Variants in KSR2 observed in about 807,000 individuals in gnomAD.
KSR2 encodes the protein kinase suppressor of ras 2.
A neutral mutation model predicts 107.8 loss-of-function variants in KSR2; 25 were observed. The ratio of observed to expected loss-of-function variants is 0.23; its 90% CI spans 0.17 to 0.32. The LOEUF is 0.32. Among genes scored for constraint, KSR2 ranks in the 10% least tolerant of loss-of-function variants. KSR2 has a pLI of 1.00. For synonymous variants in KSR2, 480 were observed against 507.0 expected, an observed-to-expected ratio of 0.95 and a Z score of 0.71; for missense variants, 887 against 1,268.9, an observed-to-expected ratio of 0.70 and a Z score of 4.57.
chr12:117,727,676 T>G (rs663383), intron 4 of KSR2, among the ~76,000 whole-genome samples: 83,840 of 151,920 alleles, frequency 0.55, 23,397 homozygotes, highest in Admixed American at 0.62. Context: ...ATCTCCCCTA[T>G]AGCCTTCAGA....
intron 5 of KSR2, among the ~76,000 whole-genome samples, chr12:117,658,832 G>T (rs73211979): frequency 0.027 from 4,090 of 152,220 alleles, 185 homozygotes; most frequent in African/African-American, 0.086. Context: ...AATGAGGTCA[G>T]GCCAAGTCAT....
At chr12:117,533,674 A>G (rs1462456362) in intron 10 of KSR2, among the ~76,000 whole-genome samples, 1 of 152,230 alleles carries the variant, frequency 6.6e-6, no homozygotes, top group Non-Finnish European at 1.5e-5. Flanking sequence ...GAGGCTCTCA[A>G]GAGACTTGGC....
chr12:117,965,864 G>A (rs549318772), intron 1 of KSR2, among the ~76,000 whole-genome samples: 7 of 152,294 alleles, frequency 4.6e-5, no homozygotes, highest in South Asian at 2.1e-4. Flanking sequence ...AGAAAATTCC[G>A]TGGACCCAAA....
chr12:117,690,394 T>C (rs1885763646), intron 4 of KSR2, among the ~76,000 whole-genome samples: 1 of 152,026 alleles, frequency 6.6e-6, no homozygotes, highest in Admixed American at 6.6e-5. Context: ...CGAAACCCCG[T>C]CTCTATTAAA....
chr12:117,955,854 G>GT (rs1291310829), intron 1 of KSR2, among the ~76,000 whole-genome samples: 2 of 101,940 alleles, frequency 2.0e-5, no homozygotes, highest in Admixed American at 1.8e-4. Context: ...GCCTCAGGGG[G>GT]TAAAAAAAAA....
chr12:117,800,276 G>A (rs900197000), intron 3 of KSR2, among the ~76,000 whole-genome samples: 2 of 152,096 alleles, frequency 1.3e-5, no homozygotes, highest in Non-Finnish European at 2.9e-5. Flanking sequence ...CTGGTTTATT[G>A]AGCCCACTAT....
At chr12:117,672,838 T>A (rs1346433001) in intron 4 of KSR2, among the ~76,000 whole-genome samples, 2 of 152,234 alleles carry the variant, frequency 1.3e-5, no homozygotes, top group Non-Finnish European at 2.9e-5. Flanking sequence ...TTGGCCAGAC[T>A]GGTCTTGAAC....
At chr12:117,499,910 A>T (rs1349022966) in intron 14 of KSR2, among the ~76,000 whole-genome samples, 3 of 152,304 alleles carry the variant, frequency 2.0e-5, no homozygotes, top group African/African-American at 7.2e-5. Context: ...GAGGCTGAGG[A>T]CACTGGGAGG....
At chr12:117,772,099 CAT>C (rs1889483321) in intron 3 of KSR2, among the ~76,000 whole-genome samples, 3 of 150,152 alleles carry the variant, frequency 2.0e-5, no homozygotes, top group South Asian at 2.1e-4. Flanking sequence ...AACACACACA[CAT>C]ACACACCTTT....
chr12:117,914,723 CAG>C (rs1895125721), intron 1 of KSR2, among the ~76,000 whole-genome samples: 1 of 152,098 alleles, frequency 6.6e-6, no homozygotes, highest in African/African-American at 2.4e-5. Flanking sequence ...TTTGTAGAGA[CAG>C]GGGTCTTACT....
intron 7 of KSR2, among the ~76,000 whole-genome samples, chr12:117,561,161 T>C (rs1347717144): frequency 1.3e-5 from 2 of 152,186 alleles, no homozygotes; most frequent in Admixed American, 6.5e-5. Flanking sequence ...AGAGTGGATA[T>C]GTAATTATGA....
Position 117,753,027 on chromosome 12 carries a change from T to C in KSR2, c.986+7984A>G, listed in dbSNP as rs115765150. ...TTTCTGAACAGCTCACTATAAGGAA[T>C]CAGTGCCTGTTTACCTTTCTAAGTA... On this transcript the variant is annotated intron_variant, in intron 4 of 19. Coordinates refer to ENST00000339824, the MANE Select transcript of KSR2 (RefSeq NM_173598.6). 6.6e-3 allele frequency among the ~76,000 whole-genome samples: 1,009 copies of C among 152,292 alleles called. 8 individuals carry two copies. The highest frequency in any genetic ancestry group is 0.022 in the African/African-American group (906 of 41,558).
chr12:117,785,139 G>A (rs776094282), intron 3 of KSR2, among the ~76,000 whole-genome samples: 1 of 152,186 alleles, frequency 6.6e-6, no homozygotes, highest in Non-Finnish European at 1.5e-5. Flanking sequence ...AACAGGCTGG[G>A]CATGATGGCT....
In KSR2 at chr12:117,463,838, T is replaced by C. The variant is rs1402908623; in HGVS notation, c.*3361A>G. 1 of 152,176 alleles carries C rather than the reference T, an allele frequency of 6.6e-6. No individual in the cohort carries two copies. The highest frequency in any genetic ancestry group is 1.5e-5 in the Non-Finnish European group (1 of 68,028). The allele number at this position is 152,176 out of a possible 1,614,324, so 9.4% of individuals were successfully genotyped here. On this transcript the variant is annotated 3_prime_UTR_variant, in exon 20 of 20. Transcript: ENST00000339824. ...TGTGTTTGTGGGGAGGGGCATGATG[T>C]GTGTATATGGCATGGGAGGTGAGAA...
chr12:117,533,890 T>C (rs777698973), intron 10 of KSR2, among the ~76,000 whole-genome samples: 1 of 152,164 alleles, frequency 6.6e-6, no homozygotes, highest in Non-Finnish European at 1.5e-5. Flanking sequence ...CCATGTGCCA[T>C]GGAACAACTC....
At chr12:117,728,279 G>A (rs1045052811) in intron 4 of KSR2, among the ~76,000 whole-genome samples, 26 of 152,290 alleles carry the variant, frequency 1.7e-4, no homozygotes, top group Admixed American at 1.6e-3. Context: ...CTTCCATAAA[G>A]ATAAGGGGCA....
chr12:117,887,961 C>T (rs894172814), intron 1 of KSR2, among the ~76,000 whole-genome samples: 6 of 152,206 alleles, frequency 3.9e-5, no homozygotes, highest in Admixed American at 2.0e-4. Flanking sequence ...CAAGAGCAGG[C>T]TGCTCAGATG....
chr12:117,958,677 T>G (rs995852274), intron 1 of KSR2, among the ~76,000 whole-genome samples: 8 of 152,008 alleles, frequency 5.3e-5, no homozygotes, highest in African/African-American at 1.9e-4. Context: ...AAAAATCAGC[T>G]GGGTGCGGTG....
At chr12:117,808,136 C>T (rs913282056) in intron 3 of KSR2, among the ~76,000 whole-genome samples, 4 of 152,134 alleles carry the variant, frequency 2.6e-5, no homozygotes, top group African/African-American at 9.7e-5. Context: ...CTCTTGACTC[C>T]AATTGTGTAA....
Sources: gnomAD v4.1 joint callset for allele counts (sites outside exome capture counted in the v4.1 genomes callset) on GRCh38, gnomAD v4.1.1 for gene constraint, MANE v1.5 for transcripts, NCBI Gene and HGNC (gene_info 2026-07-23, HGNC 2026-07-21) for gene names.